The following GRIA2 variants were observed in gnomAD, a reference collection of about 807,000 sequenced individuals.
GRIA2 encodes the protein glutamate receptor 2.
Under a neutral mutation model 97.3 loss-of-function variants are expected in GRIA2, and 14 were observed. That is an observed-to-expected ratio of 0.14 (90% CI 0.10 to 0.23). The LOEUF (loss-of-function observed/expected upper bound fraction) is 0.23. Ranked by LOEUF, GRIA2 falls within the 10% of genes least tolerant of loss-of-function variation. The probability of loss-of-function intolerance (pLI) is 1.00; values close to 1 mark genes in which losing one functional copy is unlikely to be tolerated. For synonymous variants in GRIA2, 412 were observed against 387.8 expected (o/e 1.06, Z -0.73); for missense variants, 558 against 1,069.8 (o/e 0.52, Z 6.67).
At chr4:157,303,917 G>A in intron 3 of GRIA2, 126 bp downstream of exon 3, 1 of 929,928 alleles carries the variant, frequency 1.1e-6, no homozygotes, top group Non-Finnish European at 1.7e-6. Flanking sequence ...TAATTTTGCT[G>A]TGATAATGAC....
chr4:157,316,183 G>A (rs145783857), intron 4 of GRIA2, among the ~76,000 whole-genome samples: 9 of 152,246 alleles, frequency 5.9e-5, no homozygotes, highest in Non-Finnish European at 1.2e-4. Context: ...ATGTCAGCAG[G>A]AAATAGGAGG....
intron 2 of GRIA2, among the ~76,000 whole-genome samples, chr4:157,269,525 A>G (rs1264657216): frequency 2.6e-5 from 4 of 152,068 alleles, no homozygotes; most frequent in Non-Finnish European, 5.9e-5. Flanking sequence ...GAACTAAGAG[A>G]TGAAGTAATA....
intron 12 of GRIA2, among the ~76,000 whole-genome samples, chr4:157,350,898 A>G (rs766345435): frequency 8.4e-5 from 12 of 143,628 alleles, no homozygotes; most frequent in Non-Finnish European, 1.1e-4. Context: ...CAGATTTTGC[A>G]TTCACTCCTG....
intron 4 of GRIA2, among the ~76,000 whole-genome samples, chr4:157,315,410 C>T (rs1734267720): frequency 6.7e-6 from 1 of 149,960 alleles, no homozygotes; most frequent in African/African-American, 2.4e-5. Flanking sequence ...TGTTTATTCA[C>T]TCAACCAGTG....
chr4:157,246,460 T>C (rs955130071), intron 2 of GRIA2, among the ~76,000 whole-genome samples: 3 of 152,126 alleles, frequency 2.0e-5, no homozygotes, highest in Non-Finnish European at 4.4e-5. Context: ...CTGTTAAATT[T>C]TATCCTGTTT....
At chr4:157,299,124 G>A (rs921421813) in intron 2 of GRIA2, among the ~76,000 whole-genome samples, 2 of 152,028 alleles carry the variant, frequency 1.3e-5, no homozygotes, top group Non-Finnish European at 2.9e-5. Context: ...TAGTAGCAGC[G>A]GAAAGGGAAA....
intron 2 of GRIA2, among the ~76,000 whole-genome samples, chr4:157,230,800 A>G (rs1217460846): frequency 6.6e-6 from 1 of 152,048 alleles, no homozygotes; most frequent in Admixed American, 6.6e-5. Context: ...AGAGGGAGAC[A>G]TGAAAGAAAG....
Position 157,254,686 on chromosome 4 carries a change from C to T in GRIA2, c.229+32879C>T, listed in dbSNP as rs185181325. ...GTGAAATAGGCAATGGACTGTCACC[C>T]GGAGTTGGAGAGGCTTTAACTTAAT... On this transcript the variant is annotated intron_variant, in intron 2 of 15. Transcript: ENST00000264426. Among the ~76,000 whole-genome samples the T allele has an allele frequency of 1.9e-3, 291 of 151,916 alleles. 1 individual carries two copies. Among genetic ancestry groups the T allele is most frequent in the African/African-American group, 5.9e-3 (244 of 41,454 alleles).
intron 2 of GRIA2, among the ~76,000 whole-genome samples, chr4:157,294,169 G>A (rs1733233241): frequency 6.7e-6 from 1 of 150,004 alleles, no homozygotes; most frequent in Admixed American, 6.7e-5. Flanking sequence ...AGGGTATCCA[G>A]ACAGTAAGGT....
intron 2 of GRIA2, among the ~76,000 whole-genome samples, chr4:157,228,079 G>A (rs796673665): frequency 2.6e-5 from 4 of 152,176 alleles, no homozygotes; most frequent in African/African-American, 7.2e-5. Context: ...TAAAATTAAC[G>A]AGGAGAATGT....
chr4:157,235,695 C>T (rs1291405372), intron 2 of GRIA2, among the ~76,000 whole-genome samples: 3 of 151,810 alleles, frequency 2.0e-5, no homozygotes, highest in Non-Finnish European at 2.9e-5. Context: ...TTCAATTTTT[C>T]GCATCATATT....
At chr4:157,250,656 A>G (rs536550300) in intron 2 of GRIA2, among the ~76,000 whole-genome samples, 70 of 152,204 alleles carry the variant, frequency 4.6e-4, no homozygotes, top group African/African-American at 1.5e-3. Context: ...TAAACACATA[A>G]ACTTCACTCC....
intron 5 of GRIA2, among the ~76,000 whole-genome samples, chr4:157,320,516 G>A (rs1282124407): frequency 1.3e-5 from 2 of 151,934 alleles, no homozygotes; most frequent in Admixed American, 6.6e-5. Flanking sequence ...TGCACTATTT[G>A]CATTATCTTG....
At chr4:157,306,821 A>G (rs1203576419) in intron 3 of GRIA2, among the ~76,000 whole-genome samples, 1 of 152,040 alleles carries the variant, frequency 6.6e-6, no homozygotes, top group Non-Finnish European at 1.5e-5. Flanking sequence ...GTTTTCCCCC[A>G]TTTGGTCCGA....
At chr4:157,334,250 A>AT (rs1351193704) in intron 9 of GRIA2, 130 bp downstream of exon 9, 4 of 612,150 alleles carry the variant, frequency 6.5e-6, no homozygotes, top group Non-Finnish European at 1.2e-5. Context: ...CATTTATTTC[A>AT]TATTTACTCT....
intron 2 of GRIA2, among the ~76,000 whole-genome samples, chr4:157,227,709 C>T (rs1053751358): frequency 2.0e-5 from 3 of 151,978 alleles, no homozygotes; most frequent in African/African-American, 7.2e-5. Context: ...ACTGAAGATA[C>T]CCCAGATTTC....
chr4:157,346,895 C>T (rs1228914418), intron 12 of GRIA2, among the ~76,000 whole-genome samples: 1 of 152,042 alleles, frequency 6.6e-6, no homozygotes, highest in African/African-American at 2.4e-5. Context: ...CTTTCTCTGA[C>T]ATTTTAATTT....
intron 12 of GRIA2, among the ~76,000 whole-genome samples, chr4:157,346,490 A>T (rs951869032): frequency 1.3e-5 from 2 of 152,136 alleles, no homozygotes; most frequent in Non-Finnish European, 2.9e-5. Context: ...ATACATATGT[A>T]TATATCTATT....
chr4:157,256,208 A>T (rs976591766), intron 2 of GRIA2, among the ~76,000 whole-genome samples: 3 of 124,086 alleles, frequency 2.4e-5, no homozygotes, highest in Non-Finnish European at 3.3e-5. Context: ...TTACATATAT[A>T]TGTTATATAT....
Sources: gnomAD v4.1 joint callset for allele counts (sites outside exome capture counted in the v4.1 genomes callset) on GRCh38, gnomAD v4.1.1 for gene constraint, MANE v1.5 for transcripts, NCBI Gene and HGNC (gene_info 2026-07-23, HGNC 2026-07-21) for gene names.